The following RXRA variants were observed in gnomAD, a reference collection of about 807,000 sequenced individuals.
The protein encoded by RXRA is retinoid X receptor alpha.
In RXRA, 5 loss-of-function variants were observed where a neutral mutation model predicts 44.5. The observed-to-expected ratio is 0.11, with a 90% CI of 0.06 to 0.24. The LOEUF (loss-of-function observed/expected upper bound fraction) is 0.24. Ranked by LOEUF, RXRA falls within the 10% of genes least tolerant of loss-of-function variation. RXRA has a pLI of 1.00. For missense variants in RXRA, 412 were observed against 646.5 expected, an observed-to-expected ratio of 0.64 and a Z score of 3.93; for synonymous variants, 291 against 271.4, an observed-to-expected ratio of 1.07 and a Z score of -0.71.
At chr9:134,369,013 T>TG (rs1231569279) in intron 1 of RXRA, among the ~76,000 whole-genome samples, 46 of 26,476 alleles carry the variant, frequency 1.7e-3, no homozygotes, top group African/African-American at 3.2e-3. Flanking sequence ...TGTGTGTGTG[T>TG]GGGGGGGGTT....
chr9:134,402,175 G>A, intron 2 of RXRA: 1 of 476,094 alleles, frequency 2.1e-6, no homozygotes, highest in South Asian at 3.0e-5. Flanking sequence ...CTGTTCCCAT[G>A]ACTGGGGGAC....
intron 1 of RXRA, among the ~76,000 whole-genome samples, chr9:134,330,068 G>A (rs1834979075): frequency 6.6e-6 from 1 of 152,204 alleles, no homozygotes; most frequent in African/African-American, 2.4e-5. Context: ...CCTTTCTTGG[G>A]TGACGTTTGG....
At position 134,407,408 on chromosome 9, in the gene RXRA, C is replaced by G. The variant is rs578182671; in HGVS notation, c.280-741C>G. ...GCAGCGGGAAGCGCCTGTGGGTCCT[C>G]GGCGCTGACTGCAGAGCTGGGTGGA... On this transcript the variant is annotated intron_variant, in intron 2 of 9. Coordinates refer to ENST00000481739, the MANE Select transcript of RXRA (RefSeq NM_002957.6). The surrounding 1 kb of genome is among the most constrained non-coding windows in gnomAD (Gnocchi z 4.8). Among the ~76,000 whole-genome samples, 1 of 152,180 alleles carries G rather than the reference C, an allele frequency of 6.6e-6. No homozygotes were observed.
intron 1 of RXRA, among the ~76,000 whole-genome samples, chr9:134,369,488 A>ATGTG (rs1385183401): frequency 4.7e-5 from 4 of 84,722 alleles, no homozygotes; most frequent in Admixed American, 3.7e-4. Context: ...TGTGGGTTGT[A>ATGTG]TGTGTGAGAG....
Position 134,425,238 on chromosome 9 carries a change from G to A in RXRA, c.910+3433G>A, listed in dbSNP as rs543230437. On this transcript the variant is annotated intron_variant, in intron 6 of 9. Transcript: ENST00000481739. Reference sequence around the variant, plus strand: ...ATGTCACACGTGTCTGCTCCTGTGGGGTAGGGCCCCTTCCTTGGGGTGGGC... The same window carrying A: ...ATGTCACACGTGTCTGCTCCTGTGGAGTAGGGCCCCTTCCTTGGGGTGGGC... 3.0e-6 allele frequency: 3 copies of A among 985,362 alleles called. No individual in the cohort carries two copies. In the South Asian group the frequency reaches 1.4e-4, roughly 46 times the overall value. The allele number at this position is 985,362 out of a possible 1,614,324, so 61.0% of individuals were successfully genotyped here. A position where few individuals can be genotyped will look rare whatever the true frequency, so the allele number is the denominator to read the frequency against.
chr9:134,335,998 A>T (rs1554747241), intron 1 of RXRA, among the ~76,000 whole-genome samples: 6 of 152,190 alleles, frequency 3.9e-5, no homozygotes, highest in Non-Finnish European at 7.3e-5. Flanking sequence ...GGAGGAAAAC[A>T]GCTCTGACCG....
chr9:134,425,529 C>T, intron 6 of RXRA: 1 of 956,208 alleles, frequency 1.0e-6, no homozygotes, highest in Non-Finnish European at 1.2e-6. Context: ...ACAGGCACCT[C>T]CTGCGTGGCG....
At chr9:134,354,777 C>T (rs909679995) in intron 1 of RXRA, among the ~76,000 whole-genome samples, 12 of 152,372 alleles carry the variant, frequency 7.9e-5, no homozygotes, top group Admixed American at 3.9e-4. Context: ...AACCTGCCTC[C>T]GCTGTCTTTG....
At chr9:134,381,499 T>C (rs185116621) in intron 1 of RXRA, among the ~76,000 whole-genome samples, 2 of 151,936 alleles carry the variant, frequency 1.3e-5, no homozygotes, top group Admixed American at 6.5e-5. Flanking sequence ...GGAATGATTG[T>C]GTGTGCTGTA....
Position 134,426,163 on chromosome 9 carries a change from T to C in RXRA, c.911-2945T>C. On this transcript the variant is annotated intron_variant, in intron 6 of 9. Coordinates refer to ENST00000481739, the MANE Select transcript of RXRA (RefSeq NM_002957.6). This position sits in a 1 kb window ranked among gnomAD's most constrained non-coding sequence, Gnocchi z 4.6. ...CAGCCCCAGGCAAGACTCTTTGTCC[T>C]GCGCTTGGAGCCTGGAGTAAGACCT... The C allele has an allele frequency of 3.0e-6, 3 of 985,408 alleles. No homozygotes were observed. The highest frequency in any genetic ancestry group is 3.6e-6 in the Non-Finnish European group (3 of 829,926). 61.0% of individuals were successfully genotyped at this position (985,408 alleles called of 1,614,324 possible).
At chr9:134,398,374 C>CGCACGTGG (rs61416113) in intron 1 of RXRA, among the ~76,000 whole-genome samples, 129,068 of 151,814 alleles carry the variant, frequency 0.85, 55,222 homozygotes, top group African/African-American at 0.95. Flanking sequence ...AGAGCCCACA[C>CGCACGTGG]ACGGGGCCCT....
At chr9:134,384,784 G>A (rs1044365709) in intron 1 of RXRA, among the ~76,000 whole-genome samples, 1 of 152,212 alleles carries the variant, frequency 6.6e-6, no homozygotes, top group Non-Finnish European at 1.5e-5. Flanking sequence ...CTGGTGCCCT[G>A]GGCTTTTGTG....
chr9:134,348,436 G>T (rs1830180813), intron 1 of RXRA, among the ~76,000 whole-genome samples: 1 of 152,218 alleles, frequency 6.6e-6, no homozygotes, highest in African/African-American at 2.4e-5. Context: ...GCTCAGGCTG[G>T]CTGAGAGGGT....
At chr9:134,397,455 C>T (rs970766254) in intron 1 of RXRA, among the ~76,000 whole-genome samples, 2 of 152,034 alleles carry the variant, frequency 1.3e-5, no homozygotes, top group Admixed American at 1.3e-4. Flanking sequence ...TGCTCCCGGC[C>T]TCCAGGTATC....
intron 1 of RXRA, among the ~76,000 whole-genome samples, chr9:134,337,481 A>G (rs12339187): frequency 0.18 from 27,436 of 152,082 alleles, 2,560 homozygotes; most frequent in Middle Eastern, 0.23. Context: ...CTTGGACCAG[A>G]TGTTTTAACC....
chr9:134,387,187 C>T (rs1312227412), intron 1 of RXRA, among the ~76,000 whole-genome samples: 10 of 152,350 alleles, frequency 6.6e-5, no homozygotes, highest in Non-Finnish European at 1.2e-4. Context: ...AGGCCAGAGC[C>T]GGCTCCCGGC....
At chr9:134,348,236 T>C (rs1191477040) in intron 1 of RXRA, among the ~76,000 whole-genome samples, 6 of 152,164 alleles carry the variant, frequency 3.9e-5, no homozygotes, top group Non-Finnish European at 8.8e-5. Context: ...GCCAGAGCTC[T>C]GGGGGAGACC....
At chr9:134,395,848 G>T (rs1459446709) in intron 1 of RXRA, among the ~76,000 whole-genome samples, 1 of 152,256 alleles carries the variant, frequency 6.6e-6, no homozygotes, top group East Asian at 1.9e-4. Context: ...CCAGGGTGTT[G>T]GTTGGGGAAA....
chr9:134,327,020 C>T (rs1564255006), intron 1 of RXRA, among the ~76,000 whole-genome samples: 1 of 151,844 alleles, frequency 6.6e-6, no homozygotes, highest in South Asian at 2.1e-4. Context: ...AACTTCTGCG[C>T]TCCGCGGCTC....
Sources: gnomAD v4.1 joint callset for allele counts (sites outside exome capture counted in the v4.1 genomes callset) on GRCh38, gnomAD v4.1.1 for gene constraint, Gnocchi (gnomAD v3.1) non-coding constraint, MANE v1.5 for transcripts, NCBI Gene and HGNC (gene_info 2026-07-23, HGNC 2026-07-21) for gene names.